Variants in GALNTL6 observed in about 807,000 individuals in gnomAD.
GALNTL6 encodes the protein polypeptide N-acetylgalactosaminyltransferase-like 6.
GALNTL6 carries 46 observed loss-of-function variants against 73.7 expected under a neutral mutation model. The ratio of observed to expected loss-of-function variants is 0.62; its 90% CI spans 0.49 to 0.80. The LOEUF (loss-of-function observed/expected upper bound fraction) is 0.80, where lower values mean the gene tolerates loss of function less well. Ranked by LOEUF, GALNTL6 falls within the 30% of genes least tolerant of loss-of-function variation. The probability of loss-of-function intolerance (pLI) is 0.00; values close to 1 mark genes in which losing one functional copy is unlikely to be tolerated. For synonymous variants in GALNTL6, 259 were observed against 263.7 expected, an observed-to-expected ratio of 0.98 and a Z score of 0.17; for missense variants, 604 against 755.0, an observed-to-expected ratio of 0.80 and a Z score of 2.34.
chr4:172,990,218 G>A (rs1751478377), intron 10 of GALNTL6, among the ~76,000 whole-genome samples: 1 of 152,176 alleles, frequency 6.6e-6, no homozygotes, highest in African/African-American at 2.4e-5. Flanking sequence ...ATAAAAGAAA[G>A]CAGATCCTTA....
chr4:172,206,819 T>TG (rs1196626017), intron 2 of GALNTL6, among the ~76,000 whole-genome samples: 3,500 of 66,380 alleles, frequency 0.053, 436 homozygotes, highest in Non-Finnish European at 0.071. Context: ...TTTTTGTTTG[T>TG]TTTTTTTTTT....
chr4:171,968,837 G>GT, intron 2 of GALNTL6, among the ~76,000 whole-genome samples: 1 of 112,330 alleles, frequency 8.9e-6, no homozygotes. Context: ...TTTTTTGTGC[G>GT]GGGTGGGGGG....
intron 7 of GALNTL6, among the ~76,000 whole-genome samples, chr4:172,848,767 G>A (rs992171836): frequency 5.3e-5 from 8 of 152,170 alleles, no homozygotes. Flanking sequence ...CAAGGCAAAA[G>A]TTACTGGAAA....
At chr4:172,461,726 G>A (rs1163200000) in intron 5 of GALNTL6, among the ~76,000 whole-genome samples, 1 of 152,200 alleles carries the variant, frequency 6.6e-6, no homozygotes, top group Non-Finnish European at 1.5e-5. Flanking sequence ...TATAAGGTCA[G>A]AGTTACTACT....
chr4:172,862,809 G>A (rs1251251142), intron 7 of GALNTL6, among the ~76,000 whole-genome samples: 2 of 152,206 alleles, frequency 1.3e-5, no homozygotes, highest in Admixed American at 6.5e-5. Context: ...ACAAGACAAC[G>A]TGGAAAATGT....
chr4:172,195,233 A>G (rs1179528537), intron 2 of GALNTL6, among the ~76,000 whole-genome samples: 1 of 152,154 alleles, frequency 6.6e-6, no homozygotes. Flanking sequence ...AATTCAACAA[A>G]AAGAACTATA....
At chr4:172,841,823 T>TCAA (rs1167721485) in intron 7 of GALNTL6, among the ~76,000 whole-genome samples, 1 of 152,224 alleles carries the variant, frequency 6.6e-6, no homozygotes, top group Non-Finnish European at 1.5e-5. Flanking sequence ...CCTGATCGTA[T>TCAA]CAACCCCTAT....
chr4:172,206,123 A>AATTTTTATTC (rs1211186700), intron 2 of GALNTL6, among the ~76,000 whole-genome samples: 5 of 152,084 alleles, frequency 3.3e-5, no homozygotes, highest in African/African-American at 1.2e-4. Context: ...AAAATGAACT[A>AATTTTTATTC]ATTTCTAGTG....
chr4:171,860,568 G>A (rs559572762), intron 2 of GALNTL6, among the ~76,000 whole-genome samples: 6 of 152,082 alleles, frequency 3.9e-5, no homozygotes, highest in Non-Finnish European at 7.4e-5. Context: ...TAATCCTTTA[G>A]CCCTTTCACT....
chr4:172,361,135 A>G (rs1233094919), intron 5 of GALNTL6, among the ~76,000 whole-genome samples: 4 of 152,172 alleles, frequency 2.6e-5, no homozygotes, highest in African/African-American at 4.8e-5. Flanking sequence ...TCGCCACTCA[A>G]TATATCTAAA....
At chr4:172,093,193 C>A (rs1237143606) in intron 2 of GALNTL6, among the ~76,000 whole-genome samples, 2 of 152,062 alleles carry the variant, frequency 1.3e-5, no homozygotes, top group African/African-American at 4.8e-5. Flanking sequence ...TTTAATAAAA[C>A]CTTGTAAACA....
chr4:172,205,930 T>C (rs1260572688), intron 2 of GALNTL6, among the ~76,000 whole-genome samples: 1 of 152,200 alleles, frequency 6.6e-6, no homozygotes, highest in East Asian at 1.9e-4. Context: ...ATCAATGGAT[T>C]GAAAATATAA....
intron 2 of GALNTL6, among the ~76,000 whole-genome samples, chr4:172,158,346 T>C (rs2110782796): frequency 6.6e-6 from 1 of 152,264 alleles, no homozygotes; most frequent in East Asian, 1.9e-4. Context: ...TGCAGTCCCC[T>C]TCCCTTTGTG....
intron 5 of GALNTL6, among the ~76,000 whole-genome samples, chr4:172,788,186 AAAACAAAC>A (rs71594008): frequency 1.3e-5 from 2 of 150,880 alleles, no homozygotes; most frequent in African/African-American, 4.9e-5. Flanking sequence ...TCTCTACAAA[AAAACAAAC>A]AAACAAACAA....
intron 5 of GALNTL6, among the ~76,000 whole-genome samples, chr4:172,787,915 A>G (rs970671942): frequency 6.6e-6 from 1 of 152,272 alleles, no homozygotes; most frequent in Non-Finnish European, 1.5e-5. Context: ...TAAAGAATAA[A>G]GATCATCTTT....
intron 3 of GALNTL6, among the ~76,000 whole-genome samples, chr4:172,270,720 G>T (rs13115145): frequency 2.4e-5 from 3 of 126,886 alleles, no homozygotes; most frequent in Non-Finnish European, 5.1e-5. Flanking sequence ...TTCTTGATAG[G>T]TAGGTAGATG....
intron 2 of GALNTL6, among the ~76,000 whole-genome samples, chr4:172,047,428 T>A (rs1742253581): frequency 6.6e-6 from 1 of 152,156 alleles, no homozygotes; most frequent in Admixed American, 6.6e-5. Context: ...AAACAACAGA[T>A]GTGTCAAAAT....
intron 5 of GALNTL6, among the ~76,000 whole-genome samples, chr4:172,467,926 G>T (rs1468014772): frequency 8.1e-6 from 1 of 122,840 alleles, no homozygotes; most frequent in Non-Finnish European, 1.6e-5. Flanking sequence ...GCAGGATCTT[G>T]CTCTGCCACC....
chr4:172,497,863 T>G (rs1173293107), intron 5 of GALNTL6, among the ~76,000 whole-genome samples: 1 of 152,098 alleles, frequency 6.6e-6, no homozygotes, highest in Non-Finnish European at 1.5e-5. Flanking sequence ...TAGGTTCTAG[T>G]GGTAAATTTT....
Sources: gnomAD v4.1 joint callset for allele counts (sites outside exome capture counted in the v4.1 genomes callset) on GRCh38, gnomAD v4.1.1 for gene constraint, MANE v1.5 for transcripts, NCBI Gene and HGNC (gene_info 2026-07-23, HGNC 2026-07-21) for gene names.